Variants in DCPH1 observed in about 807,000 individuals in gnomAD.
DCPH1 encodes damage control phosphatase 1.
the DCPH1 span, among the ~76,000 whole-genome samples, chr6:151,461,905 G>A: frequency 1.4e-4 from 22 of 152,280 alleles, no homozygotes; most frequent in African/African-American, 5.3e-4. Flanking sequence ...AGCGGTTTCT[G>A]TGGCAGATAA....
At chr6:151,455,764 TGTCG>T in the DCPH1 span, among the ~76,000 whole-genome samples, 1 of 152,140 alleles carries the variant, frequency 6.6e-6, no homozygotes, top group African/African-American at 2.4e-5. Flanking sequence ...CCTTTACGGG[TGTCG>T]GGCTGGGGGA....
the DCPH1 span, among the ~76,000 whole-genome samples, chr6:151,455,980 C>T: frequency 6.6e-6 from 1 of 152,252 alleles, no homozygotes; most frequent in Non-Finnish European, 1.5e-5. Flanking sequence ...TTTAACAAAG[C>T]ACATCTTGCA....
chr6:151,453,101 C>G, the DCPH1 span, among the ~76,000 whole-genome samples: 1 of 152,124 alleles, frequency 6.6e-6, no homozygotes, highest in Admixed American at 6.6e-5. Context: ...GAAATTTGTC[C>G]TTACTTCAAA....
At chr6:151,469,307 G>T in the DCPH1 span, 1 of 427,330 alleles carries the variant, frequency 2.3e-6, no homozygotes, top group Non-Finnish European at 4.1e-6. Context: ...GGGGATAGCT[G>T]GGTTAAGCAA....
the DCPH1 span, among the ~76,000 whole-genome samples, chr6:151,453,840 T>A: frequency 6.6e-6 from 1 of 152,160 alleles, no homozygotes; most frequent in Non-Finnish European, 1.5e-5. Flanking sequence ...ATCAAGAATA[T>A]CTTTAATTTT....
chr6:151,453,312 T>G, the DCPH1 span, among the ~76,000 whole-genome samples: 1 of 152,154 alleles, frequency 6.6e-6, no homozygotes, highest in African/African-American at 2.4e-5. Context: ...GTTCCAGAGG[T>G]GCAGGAAATG....
chr6:151,458,415 G>A, the DCPH1 span: 5 of 1,613,546 alleles, frequency 3.1e-6, no homozygotes, highest in South Asian at 1.1e-5. Flanking sequence ...TATCCCCTTG[G>A]TTGAGAAATT....
the DCPH1 span, chr6:151,454,539 C>T: frequency 7.6e-7 from 1 of 1,324,322 alleles, no homozygotes; most frequent in Non-Finnish European, 1.1e-6. Flanking sequence ...GCATGTGACT[C>T]TTTTCTAGAT....
chr6:151,466,267 C>T, the DCPH1 span, among the ~76,000 whole-genome samples: 3 of 151,628 alleles, frequency 2.0e-5, no homozygotes, highest in African/African-American at 7.3e-5. Flanking sequence ...TTCCTGTTAA[C>T]TCTGCCTTAT....
chr6:151,464,471 T>A, the DCPH1 span: 1 of 1,606,878 alleles, frequency 6.2e-7, no homozygotes, highest in Non-Finnish European at 8.5e-7. Context: ...TCGATTACTT[T>A]GATGTATTTA....
At chr6:151,455,203 A>G in the DCPH1 span, among the ~76,000 whole-genome samples, 1 of 141,192 alleles carries the variant, frequency 7.1e-6, no homozygotes, top group African/African-American at 2.6e-5. Context: ...CCAAATAACT[A>G]TGTTATTGAA....
At chr6:151,455,951 T>C in the DCPH1 span, among the ~76,000 whole-genome samples, 2 of 152,260 alleles carry the variant, frequency 1.3e-5, no homozygotes, top group South Asian at 2.1e-4. Flanking sequence ...TCAAGGAGTA[T>C]GCTGCCTTCA....
the DCPH1 span, among the ~76,000 whole-genome samples, chr6:151,457,147 C>T: frequency 2.6e-5 from 4 of 152,302 alleles, no homozygotes; most frequent in African/African-American, 9.6e-5. Context: ...CCGAAGGAGC[C>T]ATGCCACACA....
chr6:151,470,079 A>C, the DCPH1 span: 1 of 152,218 alleles, frequency 6.6e-6, no homozygotes, highest in Non-Finnish European at 1.5e-5. Flanking sequence ...GCACTAAAAT[A>C]ATAAAATGAA....
chr6:151,454,610 C>T, the DCPH1 span: 1 of 1,580,424 alleles, frequency 6.3e-7, no homozygotes, highest in Non-Finnish European at 8.7e-7. Flanking sequence ...GTTATTGATA[C>T]ATTGCATCGA....
At chr6:151,458,607 A>T in the DCPH1 span, 1 of 1,519,442 alleles carries the variant, frequency 6.6e-7, no homozygotes, top group African/African-American at 1.4e-5. Context: ...AAATGTTTAG[A>T]TAATTTATAC....
chr6:151,468,316 G>A, the DCPH1 span: 1 of 1,488,676 alleles, frequency 6.7e-7, no homozygotes, highest in Non-Finnish European at 9.0e-7. Context: ...GAAGAAGGGT[G>A]AATATTTTGT....
At chr6:151,460,802 C>T in the DCPH1 span, among the ~76,000 whole-genome samples, 1 of 151,248 alleles carries the variant, frequency 6.6e-6, no homozygotes, top group African/African-American at 2.4e-5. Context: ...AACAAAAAAA[C>T]AACAAAAAAA....
chr6:151,453,309 A>G, the DCPH1 span, among the ~76,000 whole-genome samples: 11 of 152,182 alleles, frequency 7.2e-5, no homozygotes, highest in African/African-American at 2.4e-4. Flanking sequence ...TTTGTTCCAG[A>G]GGTGCAGGAA....
Sources: gnomAD v4.1 joint callset for allele counts (sites outside exome capture counted in the v4.1 genomes callset) on GRCh38, gnomAD v4.1.1 for gene constraint, MANE v1.5 for transcripts, NCBI Gene and HGNC (gene_info 2026-07-23, HGNC 2026-07-21) for gene names.